Variants in BCAS3 observed in about 807,000 individuals in gnomAD.
The protein encoded by BCAS3 is BCAS4/BCAS3 fusion.
A neutral mutation model predicts 116.1 loss-of-function variants in BCAS3; 53 were observed. The ratio of observed to expected loss-of-function variants is 0.46; its 90% confidence interval spans 0.37 to 0.57. The LOEUF (loss-of-function observed/expected upper bound fraction) is 0.57, where lower values mean the gene tolerates loss of function less well. BCAS3 is among the 20% of genes least tolerant of loss of function. The probability of loss-of-function intolerance (pLI) is 0.00; values close to 1 mark genes in which losing one functional copy is unlikely to be tolerated. For synonymous variants in BCAS3, 391 were observed against 408.2 expected (o/e 0.96, Z 0.51); for missense variants, 917 against 1,165.4 (o/e 0.79, Z 3.10).
intron 6 of BCAS3, among the ~76,000 whole-genome samples, chr17:60,802,689 C>A (rs556534177): frequency 1.3e-5 from 2 of 151,996 alleles, no homozygotes; most frequent in Admixed American, 6.6e-5. Context: ...TTGCCCAGGC[C>A]GGAGTGCAAT....
rs1266919401 is a variant in BCAS3, at chr17:61,046,457, A to G, written c.2029+5565A>G. Among the ~76,000 whole-genome samples the G allele has an allele frequency of 2.0e-5, 3 of 151,688 alleles. 1 individual carries two copies. Among genetic ancestry groups the G allele is most frequent in the Non-Finnish European group, 4.4e-5 (3 of 67,878 alleles). On this transcript the variant is annotated intron_variant, in intron 19 of 23. Transcript: ENST00000407086. ...CTCCCTCAGATACCAAAATCCACAG[A>G]TGCTCAAGTCCCTGATGCTGGTACT...
At chr17:61,146,880 T>C (rs7220868) in intron 22 of BCAS3, among the ~76,000 whole-genome samples, 129,069 of 152,106 alleles carry the variant, frequency 0.85, 58,842 homozygotes, top group East Asian at 1. Flanking sequence ...CAAACCCACT[T>C]AGTTTTTTTA....
chr17:60,835,799 A>G lies in BCAS3; in HGVS notation c.476+27723A>G, dbSNP rs148280618. 2.6e-5 allele frequency among the ~76,000 whole-genome samples: 4 copies of G among 152,206 alleles called. No homozygotes were observed. The East Asian group carries it at 5.8e-4, about 22-fold the overall frequency. ...AATGTACAATATTCATATTCTCGTG[A>G]TGAAATTATAGATATTATACAGCAG... On this transcript the variant is annotated intron_variant, in intron 7 of 23. Transcript: ENST00000407086.
Position 61,118,292 on chromosome 17 carries a change from G to A in BCAS3, c.2425+33728G>A, listed in dbSNP as rs771372621. On this transcript the variant is annotated intron_variant, in intron 22 of 23. Transcript: ENST00000407086. The surrounding 1 kb of genome is among the most constrained non-coding windows in gnomAD (Gnocchi z 5.0). Reference sequence around the variant, plus strand: ...AGAGATGGAAGTCCCGGCTCCCAACGTAGTCTCCAATGACAGTGCATTAGT... The same window carrying A: ...AGAGATGGAAGTCCCGGCTCCCAACATAGTCTCCAATGACAGTGCATTAGT... 2.0e-5 allele frequency among the ~76,000 whole-genome samples: 3 copies of A among 152,144 alleles called. No homozygotes were observed. Among genetic ancestry groups the A allele is most frequent in the Non-Finnish European group, 4.4e-5 (3 of 68,026 alleles).
rs1319574286 is a variant in BCAS3, at chr17:61,068,901, C to T, written c.2030-6019C>T. 1.3e-5 allele frequency among the ~76,000 whole-genome samples: 2 copies of T among 152,074 alleles called. No individual in the cohort carries two copies. Among genetic ancestry groups the T allele is most frequent in the Non-Finnish European group, 2.9e-5 (2 of 68,014 alleles). On this transcript the variant is annotated intron_variant, in intron 19 of 23. Coordinates refer to ENST00000407086, the MANE Select transcript of BCAS3 (RefSeq NM_017679.5). This position sits in a 1 kb window ranked among gnomAD's most constrained non-coding sequence, Gnocchi z 4.3. ...TTCCATGTGAACAGGTATGTCATTC[C>T]TTCCCAAGGTAGTAAACATAGAATG...
At chr17:60,691,888 T>G (rs1278555806) in intron 4 of BCAS3, among the ~76,000 whole-genome samples, 1 of 152,084 alleles carries the variant, frequency 6.6e-6, no homozygotes, top group Non-Finnish European at 1.5e-5. Flanking sequence ...GGGTGATTGT[T>G]TATGATATCC....
At chr17:61,359,391 G>A (rs931075832) in intron 22 of BCAS3, among the ~76,000 whole-genome samples, 18 of 151,704 alleles carry the variant, frequency 1.2e-4, no homozygotes, top group Non-Finnish European at 2.4e-4. Context: ...AATAGAATGA[G>A]AGCTCCCACT....
At chr17:61,320,838 A>G (rs1425738671) in intron 22 of BCAS3, among the ~76,000 whole-genome samples, 1 of 152,164 alleles carries the variant, frequency 6.6e-6, no homozygotes, top group African/African-American at 2.4e-5. Context: ...AGTAGTGTAG[A>G]GGGTTTCTTC....
Position 61,015,828 on chromosome 17 carries a change from A to G in BCAS3, c.1564A>G (p.Ser522Gly). 1 of 1,614,078 alleles carries G rather than the reference A, an allele frequency of 6.2e-7. No individual in the cohort carries two copies. ...CAACCCTCGGCTCTCTCCTCTTCCC[A>G]GCTTGATGGTAGTGATGCCTCTTGC... The part of the protein sequence containing the change: ...PGNPRLSPLP[S>G]LMVVMPLAQI... Residue 522 changes from serine (S) to glycine (G), a missense_variant, in exon 16 of 24, where the codon AGC becomes GGC. Physicochemically the swap from Ser to Gly is moderately conservative, Grantham distance 56. This residue lies in a region of BCAS3 where 807 missense variants were observed against 1,026.0 expected (regional missense o/e 0.79). Coordinates refer to ENST00000407086, the MANE Select transcript of BCAS3 (RefSeq NM_017679.5).
At chr17:60,717,199 TTTC>T (rs200946708) in intron 5 of BCAS3, among the ~76,000 whole-genome samples, 82 of 151,338 alleles carry the variant, frequency 5.4e-4, no homozygotes, top group African/African-American at 9.8e-4. Flanking sequence ...TTCTTTTTCT[TTTC>T]TTCTTCTTCT....
At chr17:61,150,841 G>A (rs527435453) in intron 22 of BCAS3, among the ~76,000 whole-genome samples, 14 of 152,178 alleles carry the variant, frequency 9.2e-5, no homozygotes, top group Admixed American at 2.0e-4. Context: ...TACTAATAAG[G>A]TACTTACCTC....
intron 7 of BCAS3, among the ~76,000 whole-genome samples, chr17:60,826,166 A>G (rs2144702762): frequency 6.6e-6 from 1 of 151,498 alleles, no homozygotes; most frequent in African/African-American, 2.4e-5. Context: ...GGCTAGTTTT[A>G]TTTTTGATTG....
chr17:61,090,915 A>C (rs1207367663), intron 22 of BCAS3, among the ~76,000 whole-genome samples: 2 of 152,264 alleles, frequency 1.3e-5, no homozygotes, highest in East Asian at 3.9e-4. Flanking sequence ...TCGGCCTCCC[A>C]AAGTGCTGGG....
At chr17:60,938,033 G>A (rs575623106) in intron 13 of BCAS3, among the ~76,000 whole-genome samples, 7 of 151,128 alleles carry the variant, frequency 4.6e-5, no homozygotes, top group African/African-American at 4.9e-5. Flanking sequence ...TTTTTGAGAC[G>A]GAGCTGGAGT....
chr17:60,884,758 G>A (rs1015201032), intron 9 of BCAS3, among the ~76,000 whole-genome samples: 8 of 146,118 alleles, frequency 5.5e-5, no homozygotes, highest in African/African-American at 2.1e-4. Flanking sequence ...GTGGCTTTGA[G>A]TGAGATTCTT....
chr17:60,868,106 C>T lies in BCAS3; in HGVS notation c.477-470C>T, dbSNP rs146824767. ...TGGTGTGATCTTGGCTCACCGCACC[C>T]TCCGCCTCCTAGGTTCAAGCGATTC... On this transcript the variant is annotated intron_variant, in intron 7 of 23. Coordinates refer to ENST00000407086, the MANE Select transcript of BCAS3 (RefSeq NM_017679.5). Among the ~76,000 whole-genome samples the T allele has an allele frequency of 9.9e-5, 15 of 151,764 alleles. No individual in the cohort carries two copies. In the East Asian group the frequency reaches 1.9e-3, roughly 20 times the overall value.
intron 5 of BCAS3, among the ~76,000 whole-genome samples, chr17:60,716,127 C>T (rs917186173): frequency 2.0e-5 from 3 of 152,212 alleles, no homozygotes; most frequent in African/African-American, 7.2e-5. Context: ...TCCCAAAGTG[C>T]TGGGATTACA....
At chr17:61,185,935 TACTG>T (rs888293531) in intron 22 of BCAS3, among the ~76,000 whole-genome samples, 28 of 152,294 alleles carry the variant, frequency 1.8e-4, no homozygotes, top group African/African-American at 5.8e-4. Flanking sequence ...AAGTTGAAAA[TACTG>T]ACTAAGAAAA....
At chr17:60,836,951 T>C (rs2051421042) in intron 7 of BCAS3, among the ~76,000 whole-genome samples, 1 of 152,210 alleles carries the variant, frequency 6.6e-6, no homozygotes, top group African/African-American at 2.4e-5. Flanking sequence ...TGACATTTGT[T>C]GATTTGTCTG....
Sources: allele counts gnomAD v4.1 joint callset (sites outside exome capture counted in the v4.1 genomes callset), GRCh38; gene constraint gnomAD v4.1.1; regional missense constraint gnomAD v4.1.1; non-coding constraint Gnocchi (gnomAD v3.1); transcripts MANE v1.5; gene names NCBI Gene and HGNC (gene_info 2026-07-23, HGNC 2026-07-21).